The following ANXA10 variants were observed in gnomAD, a reference collection of about 807,000 sequenced individuals.
ANXA10 encodes annexin A10.
ANXA10 carries 49 observed loss-of-function variants against 53.5 expected under a neutral mutation model. The observed-to-expected ratio is 0.92, with a 90% CI of 0.73 to 1.16. The LOEUF (loss-of-function observed/expected upper bound fraction) is 1.16. Among genes scored for constraint, ANXA10 ranks in the 50% most tolerant of loss-of-function variants. The probability of loss-of-function intolerance (pLI) is 0.00; values close to 1 mark genes in which losing one functional copy is unlikely to be tolerated. For synonymous variants in ANXA10, 131 were observed against 128.9 expected (o/e 1.02, Z -0.11); for missense variants, 393 against 394.4 (o/e 1.00, Z 0.03).
intron 1 of ANXA10, among the ~76,000 whole-genome samples, chr4:168,123,739 G>A (rs559159654): frequency 6.6e-6 from 1 of 152,096 alleles, no homozygotes; most frequent in South Asian, 2.1e-4. Flanking sequence ...TTGTCAGCAT[G>A]TTATTTTTTT....
chr4:168,142,433 A>G (rs958495603), intron 3 of ANXA10, among the ~76,000 whole-genome samples: 3 of 152,074 alleles, frequency 2.0e-5, no homozygotes, highest in Non-Finnish European at 4.4e-5. Context: ...TCTATCTTCA[A>G]TAACCTGATT....
intron 1 of ANXA10, among the ~76,000 whole-genome samples, chr4:168,107,888 T>C (rs910706575): frequency 2.6e-5 from 4 of 152,158 alleles, no homozygotes; most frequent in African/African-American, 9.7e-5. Flanking sequence ...CATATTAATT[T>C]TGGGGGACAT....
Position 168,156,037 on chromosome 4 carries a change from T to TTATATTATATATTATATATTATATATCA in ANXA10, c.196-6478_196-6451dup, listed in dbSNP as rs1560784208. On this transcript the variant is annotated intron_variant, in intron 3 of 11. Coordinates refer to ENST00000359299, the MANE Select transcript of ANXA10 (RefSeq NM_007193.5). Reference sequence around the variant, plus strand: ...TATATATAATATATTATATATAGTATTATATTATATATTATATATTATATA... The same window carrying TTATATTATATATTATATATTATATATCA: ...TATATATAATATATTATATATAGTATTATATTATATATTATATATTATATATCATATATTATATATTATATATTATATA... Among the ~76,000 whole-genome samples the TTATATTATATATTATATATTATATATCA allele has an allele frequency of 2.2e-3, 75 of 34,814 alleles. 3 individuals are homozygous for TTATATTATATATTATATATTATATATCA. Among genetic ancestry groups the TTATATTATATATTATATATTATATATCA allele is most frequent in the African/African-American group, 0.01 (74 of 7,184 alleles). 22.8% of individuals were successfully genotyped at this position (34,814 alleles called of 152,430 possible).
In ANXA10 at chr4:168,163,457, A is replaced by C. The variant is rs148240159; in HGVS notation, c.310-741A>C. On this transcript the variant is annotated intron_variant, in intron 4 of 11. Transcript: ENST00000359299. The stretch of plus-strand genomic sequence containing the variant: ...ATCACATTTACTGATCCAAATAGGC[A>C]TTGTACAAAAATTATATGAATTTTA... Among the ~76,000 whole-genome samples the C allele has an allele frequency of 2.0e-5, 3 of 151,222 alleles. No homozygotes were observed. The East Asian group carries it at 5.8e-4, about 29-fold the overall frequency.
intron 2 of ANXA10, among the ~76,000 whole-genome samples, chr4:168,133,189 C>A (rs1401145528): frequency 6.6e-6 from 1 of 151,840 alleles, no homozygotes; most frequent in African/African-American, 2.4e-5. Context: ...CTAGTGTGTT[C>A]CTACGCACAA....
intron 3 of ANXA10, among the ~76,000 whole-genome samples, chr4:168,153,803 G>A (rs1275856394): frequency 6.6e-6 from 1 of 152,124 alleles, no homozygotes; most frequent in Non-Finnish European, 1.5e-5. Context: ...AGAAGTTAAG[G>A]AACATATTTA....
At chr4:168,173,927 C>G (rs1732068389) in intron 6 of ANXA10, among the ~76,000 whole-genome samples, 1 of 152,094 alleles carries the variant, frequency 6.6e-6, no homozygotes, top group African/African-American at 2.4e-5. Flanking sequence ...ACATACCCCC[C>G]CATTCTGAGC....
intron 6 of ANXA10, among the ~76,000 whole-genome samples, chr4:168,169,159 T>A (rs776684522): frequency 2.0e-5 from 3 of 152,266 alleles, no homozygotes; most frequent in Non-Finnish European, 2.9e-5. Context: ...TTTTCAATAA[T>A]AATTACTATT....
At chr4:168,157,741 CTA>C (rs1316134656) in intron 3 of ANXA10, among the ~76,000 whole-genome samples, 1 of 152,020 alleles carries the variant, frequency 6.6e-6, no homozygotes, top group Non-Finnish European at 1.5e-5. Flanking sequence ...TCTTTTATGT[CTA>C]GATTCATTTT....
At chr4:168,181,320 G>A (rs1429551930) in intron 9 of ANXA10, among the ~76,000 whole-genome samples, 1 of 151,372 alleles carries the variant, frequency 6.6e-6, no homozygotes, top group Non-Finnish European at 1.5e-5. Flanking sequence ...GAACCCGGGA[G>A]GCGGAGCTTG....
intron 3 of ANXA10, among the ~76,000 whole-genome samples, chr4:168,141,909 T>A (rs1731333094): frequency 1.3e-5 from 2 of 152,146 alleles, no homozygotes; most frequent in Admixed American, 1.3e-4. Flanking sequence ...GGCCCTCCCT[T>A]ACTATTAGTC....
rs1035375551 is a variant in ANXA10, at chr4:168,184,811, T to G, written c.906+130T>G. The G allele has an allele frequency of 3.3e-6, 4 of 1,226,862 alleles. No individual in the cohort carries two copies. In the African/African-American group the frequency reaches 6.1e-5, roughly 19 times the overall value. 76.0% of individuals were successfully genotyped at this position (1,226,862 alleles called of 1,614,324 possible). Reference sequence around the variant, plus strand: ...ACTATTCAGACAGGGATAACCTAGTTTTTTTCCTCTACACAGTCTTTAGAA... The same window carrying G: ...ACTATTCAGACAGGGATAACCTAGTGTTTTTCCTCTACACAGTCTTTAGAA... On this transcript the variant is annotated intron_variant, in intron 11 of 11. Coordinates refer to ENST00000359299, the MANE Select transcript of ANXA10 (RefSeq NM_007193.5).
rs368346734 is a variant in ANXA10 at position 168,144,409 on chromosome 4, A to T, written c.195+4829A>T. 2.8e-3 allele frequency among the ~76,000 whole-genome samples: 423 copies of T among 151,994 alleles called. 4 individuals are homozygous for T. The highest frequency in any genetic ancestry group is 9.7e-3 in the African/African-American group (404 of 41,460). On this transcript the variant is annotated intron_variant, in intron 3 of 11. Coordinates refer to ENST00000359299, the MANE Select transcript of ANXA10 (RefSeq NM_007193.5). ...GCCATGTTGGCCAGGCTGGTCTCAC[A>T]CTCCTGACCTCAGGTGATCCACCTA...
chr4:168,112,877 G>T (rs1730833435), intron 1 of ANXA10, among the ~76,000 whole-genome samples: 1 of 152,032 alleles, frequency 6.6e-6, no homozygotes, highest in Admixed American at 6.6e-5. Context: ...AAAAAAATTA[G>T]CCAGGTGTGG....
At chr4:168,156,394 T>C (rs1415921835) in intron 3 of ANXA10, among the ~76,000 whole-genome samples, 1 of 26,532 alleles carries the variant, frequency 3.8e-5, no homozygotes, top group African/African-American at 1.3e-4. Flanking sequence ...ATATATATTA[T>C]ATTATATATT....
At chr4:168,164,143 A>G (rs1365655957) in intron 4 of ANXA10, 55 bp from the exon 5 acceptor site, 1 of 1,311,332 alleles carries the variant, frequency 7.6e-7, no homozygotes, top group Non-Finnish European at 1.1e-6. Context: ...CAAAAGGTAC[A>G]CTATTACTTC....
chr4:168,172,848 G>A (rs1301911904), intron 6 of ANXA10, among the ~76,000 whole-genome samples: 1 of 148,488 alleles, frequency 6.7e-6, no homozygotes, highest in Non-Finnish European at 1.5e-5. Flanking sequence ...GGAGTGCAAT[G>A]GCACAATCTC....
chr4:168,117,566 G>A (rs1038297565), intron 1 of ANXA10, among the ~76,000 whole-genome samples: 1 of 152,064 alleles, frequency 6.6e-6, no homozygotes, highest in Non-Finnish European at 1.5e-5. Context: ...GTCATGGATA[G>A]GTTCTTGGAA....
intron 6 of ANXA10, 41 bp from the exon 7 acceptor site, chr4:168,177,695 GCTGA>G (rs755743400): frequency 1.0e-5 from 16 of 1,591,146 alleles, no homozygotes; most frequent in Admixed American, 3.3e-5. Context: ...AATATGAGTT[GCTGA>G]CTAAGAACAT....
Sources: allele counts gnomAD v4.1 joint callset (sites outside exome capture counted in the v4.1 genomes callset), GRCh38; gene constraint gnomAD v4.1.1; transcripts MANE v1.5; gene names NCBI Gene and HGNC (gene_info 2026-07-23, HGNC 2026-07-21).